BMP7: variants seen among roughly 807,000 people sequenced by gnomAD.
The protein encoded by BMP7 is bone morphogenetic protein 7.
Under a neutral mutation model 41.2 loss-of-function variants are expected in BMP7, and 12 were observed. The ratio of observed to expected loss-of-function variants is 0.29; its 90% confidence interval spans 0.19 to 0.47. The LOEUF (loss-of-function observed/expected upper bound fraction) is 0.47. BMP7 is among the 20% of genes least tolerant of loss of function. The probability of loss-of-function intolerance (pLI) is 0.99; values close to 1 mark genes in which losing one functional copy is unlikely to be tolerated. For missense variants in BMP7, 467 were observed against 606.0 expected, an observed-to-expected ratio of 0.77 and a Z score of 2.41; for synonymous variants, 248 against 250.0, an observed-to-expected ratio of 0.99 and a Z score of 0.07.
intron 3 of BMP7, among the ~76,000 whole-genome samples, chr20:57,188,509 C>A: frequency 1.4e-5 from 2 of 144,740 alleles, no homozygotes; most frequent in South Asian, 2.2e-4. Context: ...GTTCTAGAAT[C>A]AGACAATGGG....
At chr20:57,186,614 G>A (rs906130969) in intron 3 of BMP7, among the ~76,000 whole-genome samples, 6 of 152,274 alleles carry the variant, frequency 3.9e-5, no homozygotes, top group African/African-American at 1.2e-4. Context: ...AGGATGACGG[G>A]GAGTTGGGAG....
At chr20:57,199,922 C>T (rs985563119) in intron 3 of BMP7, among the ~76,000 whole-genome samples, 13 of 152,210 alleles carry the variant, frequency 8.5e-5, no homozygotes, top group Non-Finnish European at 2.9e-5. Flanking sequence ...GATGGTGTCC[C>T]GGAGTCAGAG....
intron 4 of BMP7, among the ~76,000 whole-genome samples, chr20:57,180,063 A>G (rs1984039686): frequency 6.6e-6 from 1 of 152,082 alleles, no homozygotes; most frequent in Non-Finnish European, 1.5e-5. Flanking sequence ...CAGTTTGCCT[A>G]CACTTCCTGC....
chr20:57,263,140 G>A (rs1174996546), intron 1 of BMP7, among the ~76,000 whole-genome samples: 2 of 152,190 alleles, frequency 1.3e-5, no homozygotes, highest in Admixed American at 6.6e-5. Context: ...TTTAGGGACA[G>A]AGAGAGAAAG....
intron 2 of BMP7, among the ~76,000 whole-genome samples, chr20:57,217,547 T>C (rs1327197638): frequency 6.6e-6 from 1 of 152,120 alleles, no homozygotes; most frequent in Admixed American, 6.5e-5. Context: ...AGCCAGAGTG[T>C]AGGGATTCAG....
rs756163105 is a variant in BMP7 at position 57,170,952 on chromosome 20, G to A, written c.*7C>T. ...TTGGCCCCAAAGGGTCTGAATTCTC[G>A]GAGGAGCTAGTGGCAGCCACAGGCC... On this transcript the variant is annotated 3_prime_UTR_variant, in exon 7 of 7. Transcript: ENST00000395863. The A allele has an allele frequency of 1.9e-5, 31 of 1,613,026 alleles. No homozygotes were observed. Among genetic ancestry groups the A allele is most frequent in the Admixed American group, 3.3e-5 (2 of 59,998 alleles).
At chr20:57,260,019 C>A (rs1284852165) in intron 1 of BMP7, among the ~76,000 whole-genome samples, 7 of 152,150 alleles carry the variant, frequency 4.6e-5, no homozygotes, top group African/African-American at 1.7e-4. Context: ...CACTAATAGC[C>A]GCGGTCGTAC....
chr20:57,227,753 G>A (rs906411136), intron 2 of BMP7, among the ~76,000 whole-genome samples: 5 of 152,088 alleles, frequency 3.3e-5, no homozygotes, highest in South Asian at 4.1e-4. Flanking sequence ...CAACACAAAC[G>A]TTTGGTTTCT....
intron 3 of BMP7, among the ~76,000 whole-genome samples, chr20:57,196,079 C>T (rs757438065): frequency 6.6e-6 from 1 of 152,070 alleles, no homozygotes. Context: ...CCTCCTGAGT[C>T]GCGAGTGATT....
chr20:57,175,677 C>G (rs1983908198), intron 4 of BMP7, among the ~76,000 whole-genome samples: 1 of 152,232 alleles, frequency 6.6e-6, no homozygotes. Context: ...AAGTGTCTGT[C>G]TGTCTGTCTT....
chr20:57,226,259 C>G (rs1246371287), intron 2 of BMP7, among the ~76,000 whole-genome samples: 1 of 152,204 alleles, frequency 6.6e-6, no homozygotes, highest in Non-Finnish European at 1.5e-5. Context: ...AGTGGAGAAT[C>G]CAGATAACAG....
intron 2 of BMP7, among the ~76,000 whole-genome samples, chr20:57,223,327 C>G (rs1985235904): frequency 6.6e-6 from 1 of 152,194 alleles, no homozygotes; most frequent in Non-Finnish European, 1.5e-5. Context: ...TGTTCACACC[C>G]CAGCACACAG....
chr20:57,251,318 G>T (rs910226449), intron 1 of BMP7, among the ~76,000 whole-genome samples: 1 of 152,208 alleles, frequency 6.6e-6, no homozygotes, highest in Non-Finnish European at 1.5e-5. Context: ...GGGGCAGAGC[G>T]GTGGGGGCTC....
intron 1 of BMP7, among the ~76,000 whole-genome samples, chr20:57,235,815 A>G (rs952369492): frequency 1.3e-5 from 2 of 152,254 alleles, no homozygotes; most frequent in African/African-American, 2.4e-5. Flanking sequence ...TGATGTCATC[A>G]ACCATGATGG....
chr20:57,170,700 T>G lies in BMP7; in HGVS notation c.*259A>C, dbSNP rs1318305715. On this transcript the variant is annotated 3_prime_UTR_variant, in exon 7 of 7. Coordinates refer to ENST00000395863, the MANE Select transcript of BMP7 (RefSeq NM_001719.3). ...CCAGCCAATGACCTGGCCCGGCCAT[T>G]TTTCTTTATGCGTTGTTTTTTTTTC... 4.5e-6 allele frequency: 2 copies of G among 445,490 alleles called. No individual in the cohort carries two copies. The highest frequency in any genetic ancestry group is 9.8e-5 in the East Asian group (2 of 20,382). 27.6% of individuals were successfully genotyped at this position (445,490 alleles called of 1,614,324 possible).
intron 1 of BMP7, among the ~76,000 whole-genome samples, chr20:57,237,207 C>T (rs2066051237): frequency 6.6e-6 from 1 of 152,196 alleles, no homozygotes; most frequent in Admixed American, 6.5e-5. Context: ...CCACACCCCA[C>T]TTTAATGAGG....
intron 1 of BMP7, among the ~76,000 whole-genome samples, chr20:57,229,070 T>C (rs2066019049): frequency 6.6e-6 from 1 of 152,182 alleles, no homozygotes. Flanking sequence ...ATGGTAAACA[T>C]TTAACAATTG....
intron 1 of BMP7, among the ~76,000 whole-genome samples, chr20:57,249,602 TATA>T: frequency 6.6e-6 from 1 of 152,218 alleles, no homozygotes. Context: ...ATAAGATACA[TATA>T]ATGTTTGAAA....
chr20:57,171,191 C>A lies in BMP7; in HGVS notation c.1147-83G>T. On this transcript the variant is annotated intron_variant, in intron 6 of 6. Coordinates refer to ENST00000395863, the MANE Select transcript of BMP7 (RefSeq NM_001719.3). This position sits in a 1 kb window ranked among gnomAD's most constrained non-coding sequence, Gnocchi z 4.5. ...CCTCCACGTTTCTATAAAGAAACAT[C>A]CTGTCTGGGCATAATGAATGACTGC... 6.3e-7 allele frequency: 1 copy of A among 1,577,486 alleles called. No individual in the cohort carries two copies.
Sources: gnomAD v4.1 joint callset for allele counts (sites outside exome capture counted in the v4.1 genomes callset) on GRCh38, gnomAD v4.1.1 for gene constraint, Gnocchi (gnomAD v3.1) non-coding constraint, MANE v1.5 for transcripts, NCBI Gene and HGNC (gene_info 2026-07-23, HGNC 2026-07-21) for gene names.